HSPA4L: variants seen among roughly 807,000 people sequenced by gnomAD.
The protein encoded by HSPA4L is heat shock 70 kDa protein 4L.
Under a neutral mutation model 100.3 loss-of-function variants are expected in HSPA4L, and 48 were observed. The ratio of observed to expected loss-of-function variants is 0.48; its 90% CI spans 0.38 to 0.61. The LOEUF (loss-of-function observed/expected upper bound fraction) is 0.61, where lower values mean the gene tolerates loss of function less well. Among genes scored for constraint, HSPA4L ranks in the 20% least tolerant of loss-of-function variants. The pLI, the probability that HSPA4L is intolerant of heterozygous loss-of-function variation, is 0.00. For missense variants in HSPA4L, 886 were observed against 988.6 expected (o/e 0.90, Z 1.39); for synonymous variants, 319 against 328.2 (o/e 0.97, Z 0.30).
rs1468646700 is a variant in HSPA4L at position 127,833,051 on chromosome 4, G to A, written c.*177G>A. Reference sequence around the variant, plus strand: ...TGCACTTCTGTTCATTTCCATTGCTGCTTATATGCAGTGTTAGCCGAATTA... The same window carrying A: ...TGCACTTCTGTTCATTTCCATTGCTACTTATATGCAGTGTTAGCCGAATTA... On this transcript the variant is annotated 3_prime_UTR_variant, in exon 19 of 19. Coordinates refer to ENST00000296464, the MANE Select transcript of HSPA4L (RefSeq NM_014278.4). 1 of 452,506 alleles carries A rather than the reference G, an allele frequency of 2.2e-6. No individual in the cohort carries two copies. The highest frequency in any genetic ancestry group is 4.1e-5 in the Admixed American group (1 of 24,352). 28.0% of individuals were successfully genotyped at this position (452,506 alleles called of 1,614,324 possible).
intron 1 of HSPA4L, among the ~76,000 whole-genome samples, chr4:127,788,995 T>C (rs987332737): frequency 6.6e-6 from 1 of 152,176 alleles, no homozygotes; most frequent in Non-Finnish European, 1.5e-5. Flanking sequence ...TTTTAAAGAT[T>C]AGAGAGTGAG....
chr4:127,788,925 A>C (rs1297047487), intron 1 of HSPA4L, among the ~76,000 whole-genome samples: 1 of 152,226 alleles, frequency 6.6e-6, no homozygotes, highest in Admixed American at 6.5e-5. Flanking sequence ...TTACAATGAT[A>C]GCAGAGGGTA....
At chr4:127,792,951 A>G (rs1395694554) in intron 1 of HSPA4L, among the ~76,000 whole-genome samples, 6 of 152,204 alleles carry the variant, frequency 3.9e-5, no homozygotes, top group African/African-American at 7.2e-5. Flanking sequence ...GGTGCTTGGC[A>G]TATTCTAGAA....
At chr4:127,789,520 T>C (rs1320342661) in intron 1 of HSPA4L, among the ~76,000 whole-genome samples, 3 of 151,702 alleles carry the variant, frequency 2.0e-5, no homozygotes, top group South Asian at 2.1e-4. Context: ...TGGTGGCGGG[T>C]GCCTGTAGTC....
intron 14 of HSPA4L, among the ~76,000 whole-genome samples, chr4:127,820,806 T>G (rs1442592476): frequency 6.6e-6 from 1 of 152,162 alleles, no homozygotes; most frequent in Non-Finnish European, 1.5e-5. Context: ...AAGACTTTTC[T>G]GAAATTGATT....
At chr4:127,809,471 A>G in intron 11 of HSPA4L, 1 of 1,143,736 alleles carries the variant, frequency 8.7e-7, no homozygotes, top group East Asian at 2.3e-5. Context: ...GCCTTGACCC[A>G]GAATGAAGAA....
At chr4:127,828,197 G>T (rs1299525470) in intron 17 of HSPA4L, among the ~76,000 whole-genome samples, 1 of 152,064 alleles carries the variant, frequency 6.6e-6, no homozygotes, top group Non-Finnish European at 1.5e-5. Flanking sequence ...ATAAGCAGTG[G>T]CTGGATTTAG....
At chr4:127,802,526 C>T (rs2148784896) in intron 6 of HSPA4L, among the ~76,000 whole-genome samples, 1 of 152,220 alleles carries the variant, frequency 6.6e-6, no homozygotes, top group East Asian at 1.9e-4. Flanking sequence ...AGGGAAATGA[C>T]TCAGACTGAA....
At chr4:127,823,936 G>A (rs1203219335) in intron 16 of HSPA4L, among the ~76,000 whole-genome samples, 3 of 152,146 alleles carry the variant, frequency 2.0e-5, no homozygotes, top group Non-Finnish European at 2.9e-5. Context: ...TTACCATGAT[G>A]TACAATAGAT....
chr4:127,801,513 T>C (rs1165120303), intron 5 of HSPA4L, among the ~76,000 whole-genome samples: 1 of 150,830 alleles, frequency 6.6e-6, no homozygotes, highest in Non-Finnish European at 1.5e-5. Flanking sequence ...ATGTACTGAT[T>C]CTTATAAGCT....
At chr4:127,782,060 A>C, upstream of HSPA4L, 1 of 454,968 alleles carries the variant, frequency 2.2e-6, no homozygotes, top group Non-Finnish European at 4.4e-6. Context: ...GAGCAAGCCA[A>C]TGTGCCTAGC....
intron 3 of HSPA4L, among the ~76,000 whole-genome samples, chr4:127,796,698 T>G (rs1733031045): frequency 6.6e-6 from 1 of 152,098 alleles, no homozygotes; most frequent in African/African-American, 2.4e-5. Flanking sequence ...ACATGCCAAG[T>G]GAAAGAAGCC....
chr4:127,832,707 A>G lies in HSPA4L; in HGVS notation c.2353A>G (p.Ile785Val). The G allele has an allele frequency of 6.2e-7, 1 of 1,611,404 alleles. No individual in the cohort carries two copies. Among genetic ancestry groups the G allele is most frequent in the Non-Finnish European group, 8.5e-7 (1 of 1,178,828 alleles). ...GGAACTGGATAATTTCTGTAACCCC[A>G]TCATTTACAAGCCCAAACCAAAAGC... ...SKELDNFCNP[I>V]IYKPKPKAEV... is the part of the protein sequence containing the mutation. The change falls in exon 19 of 19, where the codon ATC (isoleucine) becomes GTC (valine). Residue 785 changes from isoleucine (I) to valine (V), a missense_variant. Physicochemically the swap from Ile to Val is conservative, Grantham distance 29 (BLOSUM62 3). Coordinates refer to ENST00000296464, the MANE Select transcript of HSPA4L (RefSeq NM_014278.4).
chr4:127,831,681 T>C (rs1734088005), intron 18 of HSPA4L, among the ~76,000 whole-genome samples: 1 of 152,008 alleles, frequency 6.6e-6, no homozygotes, highest in Non-Finnish European at 1.5e-5. Context: ...AACCTAAATG[T>C]ATTCATTTGT....
rs529664337 is a variant in HSPA4L, at chr4:127,812,773, G to A, written c.1578+1137G>A. 3.1e-4 allele frequency: 445 copies of A among 1,454,238 alleles called. No individual in the cohort carries two copies. In the Middle Eastern group the frequency reaches 3.1e-3, roughly 10 times the overall value. 90.1% of individuals were successfully genotyped at this position (1,454,238 alleles called of 1,614,324 possible). ...CAGCAGCTCAGGCTCCTTCCCATTG[G>A]TTCTCACAAAGTGTGCTGCTCTGGG... On this transcript the variant is annotated intron_variant, in intron 12 of 18. Coordinates refer to ENST00000296464, the MANE Select transcript of HSPA4L (RefSeq NM_014278.4).
Position 127,782,466 on chromosome 4 carries a change from C to A in HSPA4L, c.-85C>A, listed in dbSNP as rs1473565972. 1 of 1,118,232 alleles carries A rather than the reference C, an allele frequency of 8.9e-7. No individual in the cohort carries two copies. Among genetic ancestry groups the A allele is most frequent in the South Asian group, 1.3e-5 (1 of 77,512 alleles). 69.3% of individuals were successfully genotyped at this position (1,118,232 alleles called of 1,614,324 possible). A position where few individuals can be genotyped will look rare whatever the true frequency, so the allele number is the denominator to read the frequency against. On this transcript the variant is annotated 5_prime_UTR_variant, in exon 1 of 19. Coordinates refer to ENST00000296464, the MANE Select transcript of HSPA4L (RefSeq NM_014278.4). ...TCTCGTTTGCTTCTGGTAGGAGTCG[C>A]AATCCCAGCAGCAATAGCCCAGAAG... is the stretch of plus-strand genomic sequence containing the variant.
In HSPA4L at chr4:127,791,069, C is replaced by G. The variant is rs181872517; in HGVS notation, c.108-3008C>G. Among the ~76,000 whole-genome samples, 476 of 152,028 alleles carry G rather than the reference C, an allele frequency of 3.1e-3. 4 individuals carry two copies. The highest frequency in any genetic ancestry group is 0.011 in the African/African-American group (460 of 41,452). On this transcript the variant is annotated intron_variant, in intron 1 of 18. Transcript: ENST00000296464. ...TGAGCCAAGATTACGCCACTGCACT[C>G]CAGCCTGGGTGACAGAGCAAGACCC... is the stretch of plus-strand genomic sequence containing the variant.
At chr4:127,793,974 T>C (rs1732947316) in intron 1 of HSPA4L, 103 bp from the exon 2 acceptor site, 1 of 694,632 alleles carries the variant, frequency 1.4e-6, no homozygotes, top group African/African-American at 1.9e-5. Flanking sequence ...TAATATATGG[T>C]TATATTTCTC....
chr4:127,820,048 T>A (rs1733767684), intron 13 of HSPA4L, among the ~76,000 whole-genome samples: 1 of 152,164 alleles, frequency 6.6e-6, no homozygotes. Context: ...AAGATTGTCA[T>A]CTTGAACATT....
Sources: allele counts gnomAD v4.1 joint callset (sites outside exome capture counted in the v4.1 genomes callset), GRCh38; gene constraint gnomAD v4.1.1; transcripts MANE v1.5; gene names NCBI Gene and HGNC (gene_info 2026-07-23, HGNC 2026-07-21).